PIAS2: variants seen among roughly 807,000 people sequenced by gnomAD.
PIAS2 encodes E3 SUMO-protein ligase PIAS2.
A neutral mutation model predicts 69.7 loss-of-function variants in PIAS2; 19 were observed. The ratio of observed to expected loss-of-function variants is 0.27; its 90% CI spans 0.19 to 0.40. The LOEUF (loss-of-function observed/expected upper bound fraction) is 0.40. PIAS2 is among the 10% of genes least tolerant of loss of function. PIAS2 has a pLI of 1.00. For missense variants in PIAS2, 624 were observed against 757.0 expected (o/e 0.82, Z 2.06); for synonymous variants, 261 against 263.2 (o/e 0.99, Z 0.08).
At chr18:46,829,657 T>C (rs1012451291) in intron 10 of PIAS2, 77 bp downstream of exon 10, 11 of 1,270,404 alleles carry the variant, frequency 8.7e-6, no homozygotes, top group African/African-American at 7.5e-5. Flanking sequence ...TCCAAACGTA[T>C]AGTTCTAGGG....
chr18:46,895,777 A>G (rs534931136), intron 1 of PIAS2, among the ~76,000 whole-genome samples: 14 of 152,328 alleles, frequency 9.2e-5, no homozygotes, highest in East Asian at 3.9e-4. Context: ...AATGCCATAC[A>G]TAAGAGGAAC....
chr18:46,909,424 T>C (rs1300006433), intron 1 of PIAS2, among the ~76,000 whole-genome samples: 1 of 152,150 alleles, frequency 6.6e-6, no homozygotes, highest in East Asian at 1.9e-4. Flanking sequence ...TTTTGTTTTG[T>C]TTTGGTAGAG....
intron 9 of PIAS2, among the ~76,000 whole-genome samples, chr18:46,835,235 G>C (rs2044264109): frequency 6.6e-6 from 1 of 152,166 alleles, no homozygotes; most frequent in Non-Finnish European, 1.5e-5. Flanking sequence ...TATTAAGGGA[G>C]AAAGTGATAA....
At chr18:46,862,902 C>T (rs574709988) in intron 3 of PIAS2, among the ~76,000 whole-genome samples, 7 of 152,172 alleles carry the variant, frequency 4.6e-5, no homozygotes, top group South Asian at 2.1e-4. Context: ...AGATGGGTTT[C>T]GCCATGTTGG....
intron 1 of PIAS2, chr18:46,903,443 T>A (rs2056174112): frequency 6.6e-6 from 1 of 150,934 alleles, no homozygotes; most frequent in South Asian, 2.1e-4. Flanking sequence ...AGATGGCAAA[T>A]AAGCACATAA....
At chr18:46,890,530 C>A (rs1316444981) in intron 2 of PIAS2, 50 bp downstream of exon 2, 1 of 1,112,250 alleles carries the variant, frequency 9.0e-7, no homozygotes, top group African/African-American at 1.5e-5. Flanking sequence ...GAAGGTCTCT[C>A]ATTTCATTTA....
Position 46,836,345 on chromosome 18 carries a change from G to GTAT in PIAS2, c.1202+11_1202+12insATA. 3.7e-6 allele frequency: 6 copies of GTAT among 1,610,160 alleles called. No homozygotes were observed. Among genetic ancestry groups the GTAT allele is most frequent in the Non-Finnish European group, 4.2e-6 (5 of 1,176,588 alleles). On this transcript the variant is annotated intron_variant, in intron 9 of 13. Transcript: ENST00000585916. ...ATTAGTCCATATCAGCTGTTAAAAG[G>GTAT]GATATACTTACCCATCTAATATTAG...
chr18:46,897,934 C>T (rs1539881), intron 1 of PIAS2, among the ~76,000 whole-genome samples: 67,691 of 151,282 alleles, frequency 0.45, 15,209 homozygotes, highest in Middle Eastern at 0.52. Flanking sequence ...TGTGGCAACA[C>T]GATCTTGGCT....
At chr18:46,822,118 T>C (rs1284308695) in intron 11 of PIAS2, among the ~76,000 whole-genome samples, 3 of 152,174 alleles carry the variant, frequency 2.0e-5, no homozygotes, top group African/African-American at 7.2e-5. Flanking sequence ...TTATTAAATA[T>C]CAGTAATGAG....
chr18:46,815,239 C>T, intron 13 of PIAS2, 73 bp downstream of exon 13: 1 of 1,222,122 alleles, frequency 8.2e-7, no homozygotes, highest in Non-Finnish European at 1.2e-6. Flanking sequence ...TTTTATGCAA[C>T]TGGTCATTTT....
At chr18:46,901,339 G>T (rs567664960) in intron 1 of PIAS2, 1 of 269,274 alleles carries the variant, frequency 3.7e-6, no homozygotes, top group Non-Finnish European at 7.5e-6. Flanking sequence ...AACCTGGGAG[G>T]CGGACGTTGT....
chr18:46,868,514 A>G (rs992442270), intron 2 of PIAS2, among the ~76,000 whole-genome samples: 7 of 152,216 alleles, frequency 4.6e-5, no homozygotes, highest in Admixed American at 2.6e-4. Flanking sequence ...CTAATTAGCC[A>G]TATTCAATTT....
At chr18:46,815,849 C>T (rs1362754927) in intron 12 of PIAS2, 19 of 986,414 alleles carry the variant, frequency 1.9e-5, no homozygotes, top group East Asian at 1.1e-4. Flanking sequence ...CATAGTCCAA[C>T]GCTCTGCACA....
At chr18:46,852,814 T>C (rs73437140) in intron 5 of PIAS2, 2 of 152,346 alleles carry the variant, frequency 1.3e-5, no homozygotes, top group Admixed American at 6.5e-5. Flanking sequence ...CCACAGAGTT[T>C]AGGCACAACC....
chr18:46,884,283 A>G (rs1266113930), intron 2 of PIAS2, among the ~76,000 whole-genome samples: 2 of 151,954 alleles, frequency 1.3e-5, no homozygotes, highest in African/African-American at 4.8e-5. Flanking sequence ...AAAACAGAAA[A>G]TTCCCAAAGG....
At chr18:46,891,700 T>A in intron 1 of PIAS2, 1 of 924,616 alleles carries the variant, frequency 1.1e-6, no homozygotes, top group Non-Finnish European at 1.3e-6. Flanking sequence ...GGTATCCAAA[T>A]GAGAAAAAGA....
intron 12 of PIAS2, among the ~76,000 whole-genome samples, chr18:46,819,751 G>A (rs772447978): frequency 6.6e-6 from 1 of 152,144 alleles, no homozygotes; most frequent in East Asian, 1.9e-4. Context: ...GAGAAGGGAA[G>A]TCATGAATGT....
At chr18:46,843,979 C>T in intron 8 of PIAS2, 75 bp downstream of exon 8, 1 of 828,832 alleles carries the variant, frequency 1.2e-6, no homozygotes, top group East Asian at 2.7e-5. Flanking sequence ...CATTCATTCC[C>T]ACACTTACTT....
chr18:46,817,146 C>G (rs1185758861), intron 12 of PIAS2: 1 of 953,772 alleles, frequency 1.0e-6, no homozygotes, highest in African/African-American at 1.8e-5. Context: ...TTTACAATAG[C>G]TTCTACCTTT....
Sources: gnomAD v4.1 joint callset for allele counts (sites outside exome capture counted in the v4.1 genomes callset) on GRCh38, gnomAD v4.1.1 for gene constraint, MANE v1.5 for transcripts, NCBI Gene and HGNC (gene_info 2026-07-23, HGNC 2026-07-21) for gene names.